Variants in OTOGL observed in about 807,000 individuals in gnomAD.
OTOGL encodes the protein otogelin-like protein.
A neutral mutation model predicts 318.5 loss-of-function variants in OTOGL; 285 were observed. The observed-to-expected ratio is 0.89, with a 90% CI of 0.81 to 0.99. The LOEUF (loss-of-function observed/expected upper bound fraction) is 0.99. Among genes scored for constraint, OTOGL ranks in the 50% least tolerant of loss-of-function variants. The pLI, the probability that OTOGL is intolerant of heterozygous loss-of-function variation, is 0.00. For synonymous variants in OTOGL, 987 were observed against 936.5 expected (o/e 1.05, Z -0.99); for missense variants, 2,899 against 2,845.6 (o/e 1.02, Z -0.43).
intron 54 of OTOGL, 83 bp from the exon 55 acceptor site, chr12:80,368,122 T>C (rs951173796): frequency 8.9e-6 from 9 of 1,014,066 alleles, no homozygotes; most frequent in Admixed American, 2.4e-5. Context: ...AGCTTGTAGT[T>C]ATGTTTGGAA....
intron 13 of OTOGL, among the ~76,000 whole-genome samples, chr12:80,252,554 C>A (rs1395953607): frequency 1.3e-5 from 2 of 152,104 alleles, no homozygotes; most frequent in Non-Finnish European, 2.9e-5. Context: ...CTGGCACAAT[C>A]TAGTACTGAT....
At chr12:80,367,306 A>G (rs1283828426) in intron 53 of OTOGL, among the ~76,000 whole-genome samples, 1 of 152,060 alleles carries the variant, frequency 6.6e-6, no homozygotes, top group African/African-American at 2.4e-5. Context: ...GCTATAAAGT[A>G]TAGCTTTTGG....
intron 1 of OTOGL, among the ~76,000 whole-genome samples, chr12:80,109,786 C>A (rs200229100): frequency 6.6e-6 from 1 of 151,894 alleles, no homozygotes. Flanking sequence ...AGTCTTTATT[C>A]TTTTTTTTCT....
intron 6 of OTOGL, among the ~76,000 whole-genome samples, chr12:80,220,668 C>G (rs1448305740): frequency 1.7e-5 from 2 of 120,316 alleles, no homozygotes; most frequent in Non-Finnish European, 3.7e-5. Flanking sequence ...GATTCTATGT[C>G]AATAATAATC....
At chr12:80,209,039 G>A (rs965313254) in intron 1 of OTOGL, among the ~76,000 whole-genome samples, 1 of 152,114 alleles carries the variant, frequency 6.6e-6, no homozygotes, top group African/African-American at 2.4e-5. Flanking sequence ...GCAAAGATTA[G>A]ATCAACCATT....
chr12:80,202,103 C>T (rs375853480), intron 1 of OTOGL, among the ~76,000 whole-genome samples: 3 of 152,106 alleles, frequency 2.0e-5, no homozygotes, highest in Non-Finnish European at 4.4e-5. Context: ...TAATAGAAAT[C>T]TAACTCACAG....
In OTOGL at chr12:80,208,240, T is replaced by C. The variant is rs1205339841; in HGVS notation, c.-19-1173T>C. The C allele has an allele frequency of 5.8e-6, 3 of 516,664 alleles. No homozygotes were observed. The Admixed American group carries it at 5.9e-5, about 10-fold the overall frequency. 32.0% of individuals were successfully genotyped at this position (516,664 alleles called of 1,614,324 possible). A position where few individuals can be genotyped will look rare whatever the true frequency, so the allele number is the denominator to read the frequency against. ...TATGGTTATCTAGAGCAAGAGTAAA[T>C]GATTATTGGATTTGGAACACAAACA... On this transcript the variant is annotated intron_variant, in intron 1 of 58. Transcript: ENST00000547103.
At chr12:80,274,806 T>G (rs189686597) in intron 24 of OTOGL, among the ~76,000 whole-genome samples, 248 of 151,972 alleles carry the variant, frequency 1.6e-3, no homozygotes, top group African/African-American at 4.1e-3. Flanking sequence ...CTAGGGCCCT[T>G]AAGAATTATG....
intron 26 of OTOGL, among the ~76,000 whole-genome samples, chr12:80,286,738 T>C (rs1421085972): frequency 4.6e-5 from 7 of 152,302 alleles, no homozygotes; most frequent in Admixed American, 3.9e-4. Context: ...TCATTTTTTT[T>C]ATTGTGTCTC....
intron 37 of OTOGL, 26 bp from the exon 38 acceptor site, chr12:80,332,979 G>A (rs1888169330): frequency 1.3e-6 from 2 of 1,541,274 alleles, no homozygotes; most frequent in Non-Finnish European, 1.8e-6. Context: ...TTCCACTAAT[G>A]AGGATTACTT....
chr12:80,247,104 C>A (rs1164823077), intron 11 of OTOGL, among the ~76,000 whole-genome samples: 8 of 137,484 alleles, frequency 5.8e-5, no homozygotes, highest in Non-Finnish European at 9.2e-5. Flanking sequence ...TTGATCCTTT[C>A]AAAAAACCAG....
chr12:80,122,697 T>C (rs796504485), intron 1 of OTOGL, among the ~76,000 whole-genome samples: 10 of 152,274 alleles, frequency 6.6e-5, no homozygotes, highest in African/African-American at 9.6e-5. Context: ...TTTCTGAGTA[T>C]GCACGAGTCT....
chr12:80,227,945 T>G (rs1215767663), intron 7 of OTOGL, among the ~76,000 whole-genome samples: 2 of 152,268 alleles, frequency 1.3e-5, no homozygotes, highest in Admixed American at 6.5e-5. Context: ...ATAGTATATA[T>G]TTTAGCTTCA....
At position 80,342,169 on chromosome 12, in the gene OTOGL, T is replaced by C. The variant is rs1888818513; in HGVS notation, c.5265+7T>C. ...CATTCCATGTCATGATAAAGTAAGT[T>C]GGAAGCAACCATAAATAATACTTTC... On this transcript the variant is annotated splice_region_variant and intron_variant, in intron 44 of 58. Transcript: ENST00000547103. 3.2e-6 allele frequency: 5 copies of C among 1,539,006 alleles called. No homozygotes were observed. The highest frequency in any genetic ancestry group is 1.9e-5 in the Admixed American group (1 of 52,160).
At position 80,356,048 on chromosome 12, in the gene OTOGL, A is replaced by G. The variant is rs534983907; in HGVS notation, c.5806+100A>G. ...ATATAATGCTTTGTATTTTTAAAAA[A>G]GGGCCATAAATGTCATTTTCTCAAA... On this transcript the variant is annotated intron_variant, in intron 47 of 58. Coordinates refer to ENST00000547103, the MANE Select transcript of OTOGL (RefSeq NM_001378609.3). 18 of 1,298,796 alleles carry G rather than the reference A, an allele frequency of 1.4e-5. No homozygotes were observed. The South Asian group carries it at 2.2e-4, about 16-fold the overall frequency. 80.5% of individuals were successfully genotyped at this position (1,298,796 alleles called of 1,614,324 possible).
intron 1 of OTOGL, among the ~76,000 whole-genome samples, chr12:80,156,290 G>A (rs1247236519): frequency 2.0e-5 from 3 of 152,172 alleles, no homozygotes; most frequent in Non-Finnish European, 4.4e-5. Flanking sequence ...TTGAACATCA[G>A]ACTCCAAGTT....
At chr12:80,329,169 T>C (rs756637291) in intron 37 of OTOGL, 50 bp downstream of exon 37, 305 of 1,324,972 alleles carry the variant, frequency 2.3e-4, no homozygotes, top group Non-Finnish European at 2.7e-4. Flanking sequence ...AGTTTAAGTG[T>C]TGGCTTAATT....
intron 57 of OTOGL, among the ~76,000 whole-genome samples, chr12:80,374,642 C>T (rs1891079359): frequency 6.6e-6 from 1 of 151,870 alleles, no homozygotes; most frequent in South Asian, 2.1e-4. Flanking sequence ...TTTAAGATTT[C>T]ACTTTTTTTT....
At position 80,352,412 on chromosome 12, in the gene OTOGL, C is replaced by A; in HGVS notation, c.5383C>A (p.Gln1795Lys). 1 of 1,607,828 alleles carries A rather than the reference C, an allele frequency of 6.2e-7. No homozygotes were observed. The highest frequency in any genetic ancestry group is 8.5e-7 in the Non-Finnish European group (1 of 1,177,474). The stretch of plus-strand genomic sequence containing the variant: ...GTGCAACAAGTTTGATATCTGTATT[C>A]AGTGGAGAACACCTGATTACTGCTG... ...ALCNKFDICI[Q>K]WRTPDYCSLS... The change falls in exon 45 of 59, where the codon CAG becomes AAG. Residue 1795 changes from glutamine (Q) to lysine (K), a missense_variant. By Grantham distance (53) the Gln-to-Lys change is moderately conservative (BLOSUM62 1). Coordinates refer to ENST00000547103, the MANE Select transcript of OTOGL (RefSeq NM_001378609.3).
Sources: gnomAD v4.1 joint callset for allele counts (sites outside exome capture counted in the v4.1 genomes callset) on GRCh38, gnomAD v4.1.1 for gene constraint, MANE v1.5 for transcripts, NCBI Gene and HGNC (gene_info 2026-07-23, HGNC 2026-07-21) for gene names.